Variants in ACCSL observed in about 807,000 individuals in gnomAD.
ACCSL encodes the protein probable inactive 1-aminocyclopropane-1-carboxylate synthase-like protein 2.
A neutral mutation model predicts 61.7 loss-of-function variants in ACCSL; 55 were observed. The ratio of observed to expected loss-of-function variants is 0.89; its 90% CI spans 0.72 to 1.12. The LOEUF (loss-of-function observed/expected upper bound fraction) is 1.12, where lower values mean the gene tolerates loss of function less well. ACCSL is among the 50% of genes most tolerant of loss of function. The pLI is 0.00. For missense variants in ACCSL, 632 were observed against 698.0 expected (o/e 0.91, Z 1.07); for synonymous variants, 258 against 264.3 (o/e 0.98, Z 0.23).
At chr11:43,997,211 C>T in the ACCSL span, among the ~76,000 whole-genome samples, 2 of 151,906 alleles carry the variant, frequency 1.3e-5, no homozygotes, top group Admixed American at 1.3e-4. Context: ...ATCTCGGAGG[C>T]GTGGACCAAC....
the ACCSL span, among the ~76,000 whole-genome samples, chr11:43,940,165 A>G: frequency 6.6e-6 from 1 of 152,036 alleles, no homozygotes; most frequent in Non-Finnish European, 1.5e-5. Context: ...TACTGTATAG[A>G]GACTGGGTCT....
chr11:43,978,814 T>TTTTA, the ACCSL span, among the ~76,000 whole-genome samples: 8 of 88,792 alleles, frequency 9.0e-5, no homozygotes, highest in Non-Finnish European at 1.8e-4. Context: ...TTTTTTTTTT[T>TTTTA]ACCAATAAAA....
chr11:43,925,458 C>T, the ACCSL span: 2 of 456,218 alleles, frequency 4.4e-6, no homozygotes, highest in East Asian at 1.4e-4. Context: ...GCAAGGATCC[C>T]TGCTGCAGCT....
At chr11:43,962,335 T>C in the ACCSL span, among the ~76,000 whole-genome samples, 1 of 152,236 alleles carries the variant, frequency 6.6e-6, no homozygotes, top group African/African-American at 2.4e-5. Flanking sequence ...AGGCTGTAAG[T>C]AAAAGAGAAT....
chr11:43,935,502 G>GT, the ACCSL span, among the ~76,000 whole-genome samples: 3 of 152,230 alleles, frequency 2.0e-5, no homozygotes, highest in Non-Finnish European at 4.4e-5. Context: ...CCAGCCCCCT[G>GT]AGTCCTCAGC....
chr11:44,002,619 G>A, the ACCSL span, among the ~76,000 whole-genome samples: 1 of 152,114 alleles, frequency 6.6e-6, no homozygotes, highest in African/African-American at 2.4e-5. Context: ...GGAGATACCA[G>A]CTTACTAGGG....
the ACCSL span, among the ~76,000 whole-genome samples, chr11:44,009,714 G>A: frequency 2.6e-5 from 4 of 152,134 alleles, no homozygotes; most frequent in Admixed American, 1.3e-4. Flanking sequence ...GCAGTGAGCC[G>A]TGATCGCACC....
At chr11:44,030,035 TG>T in the ACCSL span, among the ~76,000 whole-genome samples, 28 of 128,520 alleles carry the variant, frequency 2.2e-4, no homozygotes, top group Non-Finnish European at 4.0e-4. Flanking sequence ...TTTTATTTTA[TG>T]TTTGCTTGTT....
the ACCSL span, among the ~76,000 whole-genome samples, chr11:44,017,758 T>C: frequency 6.6e-6 from 1 of 152,110 alleles, no homozygotes; most frequent in Non-Finnish European, 1.5e-5. Flanking sequence ...TTCAGGTGGA[T>C]CATACATGTA....
At chr11:43,936,128 G>T in the ACCSL span, among the ~76,000 whole-genome samples, 8 of 152,204 alleles carry the variant, frequency 5.3e-5, no homozygotes, top group African/African-American at 1.9e-4. Flanking sequence ...ATCCGCCAAG[G>T]TCCCCGAGGG....
At chr11:44,005,095 G>A in the ACCSL span, among the ~76,000 whole-genome samples, 1 of 115,244 alleles carries the variant, frequency 8.7e-6, no homozygotes, top group South Asian at 2.9e-4. Flanking sequence ...TGTGCTTTTC[G>A]AGTCCCGGCA....
the ACCSL span, among the ~76,000 whole-genome samples, chr11:43,929,754 A>G: frequency 6.6e-6 from 1 of 152,166 alleles, no homozygotes; most frequent in Non-Finnish European, 1.5e-5. Flanking sequence ...TACATGGCTC[A>G]GGCTGGTTTC....
rs780841726 is a variant in ACCSL at position 44,053,426 on chromosome 11, T to G, written c.969T>G (p.Leu323=). 2 of 1,614,192 alleles carry G rather than the reference T, an allele frequency of 1.2e-6. No individual in the cohort carries two copies. The change falls in exon 8 of 14, where the codon CTT becomes CTG. Residue 323 remains leucine, a synonymous_variant. Coordinates refer to ENST00000378832, the MANE Select transcript of ACCSL (RefSeq NM_001031854.2). ...CTTAGGGGAAAAAGGTCCGAGGCCT[T>G]GTGCTAATCAACCCTCAGAATCCTC... ...ARLEGKKVRG[L]VLINPQNPLG...
the ACCSL span, among the ~76,000 whole-genome samples, chr11:44,020,607 A>G: frequency 6.6e-6 from 1 of 152,038 alleles, no homozygotes; most frequent in Non-Finnish European, 1.5e-5. Context: ...TCCTATTAAT[A>G]TGGTACATTA....
the ACCSL span, among the ~76,000 whole-genome samples, chr11:44,041,435 G>C: frequency 6.6e-6 from 1 of 152,092 alleles, no homozygotes; most frequent in African/African-American, 2.4e-5. Flanking sequence ...CCCTTTTGTT[G>C]AGGTTTTCCA....
the ACCSL span, among the ~76,000 whole-genome samples, chr11:43,981,547 A>C: frequency 6.6e-6 from 1 of 152,202 alleles, no homozygotes. Flanking sequence ...TTTTCTCCTA[A>C]TGCAACACTA....
chr11:44,050,330 A>G (rs926661260), intron 2 of ACCSL, among the ~76,000 whole-genome samples: 9 of 152,214 alleles, frequency 5.9e-5, no homozygotes, highest in Non-Finnish European at 1.3e-4. Flanking sequence ...GAAAGTTGCT[A>G]TGGGAACCTC....
chr11:44,006,156 G>A, the ACCSL span, among the ~76,000 whole-genome samples: 1 of 152,238 alleles, frequency 6.6e-6, no homozygotes, highest in Non-Finnish European at 1.5e-5. Context: ...GGGTGACTGT[G>A]TGGACCCTCC....
the ACCSL span, among the ~76,000 whole-genome samples, chr11:43,941,872 ATTGTTG>A: frequency 0.2 from 29,675 of 151,816 alleles, 3,242 homozygotes; most frequent in South Asian, 0.31. Flanking sequence ...GGTAGCTATT[ATTGTTG>A]TTGTTGTTGT....
Sources: gnomAD v4.1 joint callset for allele counts (sites outside exome capture counted in the v4.1 genomes callset) on GRCh38, gnomAD v4.1.1 for gene constraint, MANE v1.5 for transcripts, NCBI Gene and HGNC (gene_info 2026-07-23, HGNC 2026-07-21) for gene names.